Variants in SFXN5 observed in about 807,000 individuals in gnomAD.
The protein encoded by SFXN5 is sideroflexin-5.
In SFXN5, 43 loss-of-function variants were observed where a neutral mutation model predicts 50.2. The ratio of observed to expected loss-of-function variants is 0.86; its 90% CI spans 0.67 to 1.11. The LOEUF (loss-of-function observed/expected upper bound fraction) is 1.11, where lower values mean the gene tolerates loss of function less well. Ranked by LOEUF, SFXN5 falls within the 50% of genes least tolerant of loss-of-function variation. The pLI, the probability that SFXN5 is intolerant of heterozygous loss-of-function variation, is 0.00. For synonymous variants in SFXN5, 203 were observed against 185.8 expected (o/e 1.09, Z -0.75); for missense variants, 463 against 454.1 (o/e 1.02, Z -0.18).
At chr2:72,946,763 GC>G (rs1671983027) in intron 13 of SFXN5, among the ~76,000 whole-genome samples, 1 of 152,014 alleles carries the variant, frequency 6.6e-6, no homozygotes, top group Non-Finnish European at 1.5e-5. Flanking sequence ...GTCTCATCCA[GC>G]CCAGTCCGTC....
intron 11 of SFXN5, 152 bp from the exon 12 acceptor site, chr2:72,968,685 CA>C (rs1320305751): frequency 8.3e-6 from 4 of 482,294 alleles, no homozygotes; most frequent in Non-Finnish European, 1.1e-5. Flanking sequence ...TTCCAAACAA[CA>C]AAAAAAGCCA....
At chr2:72,974,218 C>G (rs968573161) in intron 10 of SFXN5, among the ~76,000 whole-genome samples, 3 of 152,114 alleles carry the variant, frequency 2.0e-5, no homozygotes, top group African/African-American at 7.2e-5. Context: ...GTCTCCAGCC[C>G]CCATTTTGTG....
In SFXN5 at chr2:72,982,147, T is replaced by G. The variant is rs575268066; in HGVS notation, c.625+6111A>C. 4.3e-4 allele frequency among the ~76,000 whole-genome samples: 65 copies of G among 152,218 alleles called. No individual in the cohort carries two copies. The South Asian group carries it at 0.013, about 30-fold the overall frequency. ...TAGGTGCTCATGCTACGCTGGGAAATTGACATGTTCAATCCCCATGAAAAC... is the reference window on the plus strand; with the variant it reads ...TAGGTGCTCATGCTACGCTGGGAAAGTGACATGTTCAATCCCCATGAAAAC... On this transcript the variant is annotated intron_variant, in intron 10 of 13. Coordinates refer to ENST00000272433, the MANE Select transcript of SFXN5 (RefSeq NM_144579.3).
chr2:73,032,099 C>T (rs1436611016), intron 3 of SFXN5, among the ~76,000 whole-genome samples: 2 of 152,132 alleles, frequency 1.3e-5, no homozygotes, highest in African/African-American at 4.8e-5. Flanking sequence ...ACCCACAAGC[C>T]AAGAGCTGGT....
intron 12 of SFXN5, among the ~76,000 whole-genome samples, chr2:72,967,510 G>GATAC (rs1674565217): frequency 6.6e-6 from 1 of 152,174 alleles, no homozygotes; most frequent in Non-Finnish European, 1.5e-5. Context: ...AGAGGACTGG[G>GATAC]ATACACAAGT....
chr2:73,006,652 A>G (rs1319550463), intron 6 of SFXN5, among the ~76,000 whole-genome samples: 1 of 152,074 alleles, frequency 6.6e-6, no homozygotes, highest in Non-Finnish European at 1.5e-5. Flanking sequence ...ATGCTCACGT[A>G]TGCCACTGAA....
intron 3 of SFXN5, among the ~76,000 whole-genome samples, chr2:73,025,720 G>C (rs746251232): frequency 1.3e-5 from 2 of 152,222 alleles, no homozygotes; most frequent in Non-Finnish European, 2.9e-5. Context: ...CTCAGTGGGA[G>C]TGAGTGGGCT....
At position 72,953,821 on chromosome 2, in the gene SFXN5, A is replaced by G. The variant is rs1249879756; in HGVS notation, c.945+7310T>C. Among the ~76,000 whole-genome samples, 1 of 152,200 alleles carries G rather than the reference A, an allele frequency of 6.6e-6. No homozygotes were observed. Among genetic ancestry groups the G allele is most frequent in the Non-Finnish European group, 1.5e-5 (1 of 68,032 alleles). On this transcript the variant is annotated intron_variant, in intron 13 of 13. Coordinates refer to ENST00000272433, the MANE Select transcript of SFXN5 (RefSeq NM_144579.3). The surrounding 1 kb of genome is among the most constrained non-coding windows in gnomAD (Gnocchi z 4.1). ...GGGGGTCCCAATACTTTCTCAAAGA[A>G]AGATAAGCTGGGGGGACTTTGCTTC...
intron 9 of SFXN5, among the ~76,000 whole-genome samples, chr2:72,991,444 T>A (rs192307689): frequency 1.3e-5 from 2 of 152,384 alleles, no homozygotes; most frequent in Non-Finnish European, 2.9e-5. Context: ...GGCATGTGTG[T>A]AGCTGTGAGC....
chr2:72,976,033 T>A (rs1433536859), intron 10 of SFXN5, among the ~76,000 whole-genome samples: 1 of 152,216 alleles, frequency 6.6e-6, no homozygotes, highest in Non-Finnish European at 1.5e-5. Flanking sequence ...AACAAACTGT[T>A]ATGTGAAAAA....
At chr2:73,001,158 G>A (rs1383295249) in intron 7 of SFXN5, among the ~76,000 whole-genome samples, 1 of 152,218 alleles carries the variant, frequency 6.6e-6, no homozygotes, top group Admixed American at 6.5e-5. Flanking sequence ...TGTGGGGGAG[G>A]CTGATGTCAA....
chr2:73,055,958 G>A (rs1682057287), intron 2 of SFXN5, among the ~76,000 whole-genome samples: 1 of 152,128 alleles, frequency 6.6e-6, no homozygotes. Flanking sequence ...GGCCAACATG[G>A]TGAAATCCAG....
At chr2:73,045,021 AG>A (rs1336935499) in intron 2 of SFXN5, among the ~76,000 whole-genome samples, 15 of 152,232 alleles carry the variant, frequency 9.9e-5, no homozygotes, top group Non-Finnish European at 1.5e-4. Flanking sequence ...AGGAAAGCTG[AG>A]GAAGAGTCAT....
At chr2:73,002,965 T>C (rs1267659912) in intron 6 of SFXN5, among the ~76,000 whole-genome samples, 1 of 152,182 alleles carries the variant, frequency 6.6e-6, no homozygotes, top group Non-Finnish European at 1.5e-5. Context: ...CTGACCTCAG[T>C]TTAAAATTCT....
At chr2:72,959,134 A>G (rs1323191978) in intron 13 of SFXN5, among the ~76,000 whole-genome samples, 1 of 152,134 alleles carries the variant, frequency 6.6e-6, no homozygotes, top group East Asian at 1.9e-4. Flanking sequence ...AAGCAGGTCC[A>G]TGGTGAAATC....
intron 3 of SFXN5, among the ~76,000 whole-genome samples, chr2:73,038,314 T>C (rs1679216963): frequency 6.6e-6 from 1 of 152,166 alleles, no homozygotes; most frequent in African/African-American, 2.4e-5. Context: ...GCATAAAAGA[T>C]AAACAATGGT....
chr2:73,040,961 G>T (rs1338275655), intron 2 of SFXN5, 30 bp from the exon 3 acceptor site: 1 of 1,599,826 alleles, frequency 6.3e-7, no homozygotes, highest in African/African-American at 1.3e-5. Context: ...GACATTGAGG[G>T]GCACAGATCC....
At chr2:73,004,151 G>A (rs143866990) in intron 6 of SFXN5, among the ~76,000 whole-genome samples, 160 of 152,144 alleles carry the variant, frequency 1.1e-3, no homozygotes, top group Middle Eastern at 6.8e-3. Context: ...TTGGGGGCCC[G>A]GACTCTGATT....
intron 9 of SFXN5, among the ~76,000 whole-genome samples, chr2:72,988,732 A>T (rs1041950472): frequency 2.0e-5 from 3 of 152,160 alleles, no homozygotes; most frequent in Non-Finnish European, 2.9e-5. Context: ...GAAGTGTAGG[A>T]AGGCCTCATT....
Sources: gnomAD v4.1 joint callset for allele counts (sites outside exome capture counted in the v4.1 genomes callset) on GRCh38, gnomAD v4.1.1 for gene constraint, Gnocchi (gnomAD v3.1) non-coding constraint, MANE v1.5 for transcripts, NCBI Gene and HGNC (gene_info 2026-07-23, HGNC 2026-07-21) for gene names.